The following MBD5 variants were observed in gnomAD, a reference collection of about 807,000 sequenced individuals.
MBD5 encodes methyl-CpG-binding domain protein 5.
MBD5 carries 13 observed loss-of-function variants against 117.3 expected under a neutral mutation model. The ratio of observed to expected loss-of-function variants is 0.11; its 90% CI spans 0.07 to 0.18. The LOEUF is 0.18. Ranked by LOEUF, MBD5 falls within the 10% of genes least tolerant of loss-of-function variation. The pLI is 1.00. For missense variants in MBD5, 1,879 were observed against 2,093.8 expected (o/e 0.90, Z 2.00); for synonymous variants, 727 against 766.4 (o/e 0.95, Z 0.85).
intron 3 of MBD5, among the ~76,000 whole-genome samples, chr2:148,239,536 G>A (rs1700164995): frequency 6.6e-6 from 1 of 151,808 alleles, no homozygotes; most frequent in Non-Finnish European, 1.5e-5. Context: ...TTAAACCAGG[G>A]CCACCTTTTA....
At chr2:148,032,254 C>T (rs1028186136) in intron 1 of MBD5, among the ~76,000 whole-genome samples, 4 of 151,914 alleles carry the variant, frequency 2.6e-5, no homozygotes, top group Admixed American at 6.6e-5. Context: ...CTTGATCTCC[C>T]GGAACTTATA....
intron 4 of MBD5, among the ~76,000 whole-genome samples, chr2:148,386,515 G>A (rs890604707): frequency 3.3e-5 from 5 of 151,544 alleles, no homozygotes; most frequent in South Asian, 2.1e-4. Context: ...TCAGGAGATC[G>A]AGACCATCCC....
At chr2:148,079,540 T>C (rs1396975997) in intron 1 of MBD5, among the ~76,000 whole-genome samples, 2 of 151,856 alleles carry the variant, frequency 1.3e-5, no homozygotes, top group African/African-American at 4.8e-5. Flanking sequence ...ATCCCACTTC[T>C]ACTTGTGTCT....
At chr2:148,281,577 T>A (rs972920722) in intron 3 of MBD5, among the ~76,000 whole-genome samples, 58 of 152,184 alleles carry the variant, frequency 3.8e-4, no homozygotes, top group Non-Finnish European at 4.4e-4. Flanking sequence ...TGCATTTTTT[T>A]AAAAATTCAT....
chr2:148,280,131 C>CAAAAAAAAAAAAAAAAAAAAAAAAAG (rs3076398), intron 3 of MBD5, among the ~76,000 whole-genome samples: 1 of 91,886 alleles, frequency 1.1e-5, no homozygotes, highest in African/African-American at 4.0e-5. Context: ...AAACTAACTG[C>CAAAAAAAAAAAAAAAAAAAAAAAAAG]AAAAAAAAAA....
chr2:148,249,782 A>G (rs1386827532), intron 3 of MBD5, among the ~76,000 whole-genome samples: 3 of 152,096 alleles, frequency 2.0e-5, no homozygotes, highest in Non-Finnish European at 2.9e-5. Context: ...TATCTAAATC[A>G]GTGGTTCTCA....
At chr2:148,298,932 A>G (rs190463409) in intron 3 of MBD5, among the ~76,000 whole-genome samples, 166 of 152,212 alleles carry the variant, frequency 1.1e-3, no homozygotes, top group African/African-American at 3.8e-3. Flanking sequence ...AGCCAATCTC[A>G]GTTGTAGTCA....
chr2:148,461,284 C>G (rs903191439), intron 5 of MBD5, among the ~76,000 whole-genome samples: 2 of 152,050 alleles, frequency 1.3e-5, no homozygotes, highest in African/African-American at 4.8e-5. Context: ...TGTTGCCCTT[C>G]CCTGCAGTGG....
At chr2:148,062,230 T>G (rs1695056668) in intron 1 of MBD5, 1 of 150,710 alleles carries the variant, frequency 6.6e-6, no homozygotes, top group African/African-American at 2.4e-5. Context: ...TCATTTTAGC[T>G]TTTTTTTTCT....
intron 3 of MBD5, among the ~76,000 whole-genome samples, chr2:148,324,526 G>A (rs1020230765): frequency 3.9e-5 from 6 of 152,110 alleles, no homozygotes; most frequent in African/African-American, 1.4e-4. Context: ...GCAGTGCTTT[G>A]TAGTTCTTGA....
intron 5 of MBD5, among the ~76,000 whole-genome samples, chr2:148,460,970 G>A (rs1242953335): frequency 1.3e-5 from 2 of 152,088 alleles, no homozygotes; most frequent in South Asian, 2.1e-4. Flanking sequence ...GTCTCACTCC[G>A]TCGCCCAGGC....
chr2:148,159,553 T>C (rs1697956555), intron 1 of MBD5, among the ~76,000 whole-genome samples: 1 of 152,194 alleles, frequency 6.6e-6, no homozygotes, highest in African/African-American at 2.4e-5. Context: ...CCCAAAGTGC[T>C]GGGTTTACAG....
chr2:148,153,794 C>T (rs1264244955), intron 1 of MBD5, among the ~76,000 whole-genome samples: 1 of 135,624 alleles, frequency 7.4e-6, no homozygotes, highest in Non-Finnish European at 1.6e-5. Flanking sequence ...GCTCCATCAG[C>T]TCCTTTAAGC....
chr2:148,416,511 G>T (rs867328579), intron 4 of MBD5, among the ~76,000 whole-genome samples: 6 of 152,262 alleles, frequency 3.9e-5, no homozygotes, highest in Middle Eastern at 3.4e-3. Context: ...TGGGGGTGGG[G>T]TTGCCAGTAT....
At position 148,362,828 on chromosome 2, in the gene MBD5, G is replaced by A. The variant is rs142590940; in HGVS notation, c.-557+20492G>A. On this transcript the variant is annotated intron_variant, in intron 4 of 13. Transcript: ENST00000642680. ...CTTTGCTGTTCTTCAGCCTTTGCTGGTGATACCCAGGCAAACAGGGTCTGG... is the reference window on the plus strand; with the variant it reads ...CTTTGCTGTTCTTCAGCCTTTGCTGATGATACCCAGGCAAACAGGGTCTGG... Among the ~76,000 whole-genome samples, 230 of 152,274 alleles carry A rather than the reference G, an allele frequency of 1.5e-3. 1 individual carries two copies. The highest frequency in any genetic ancestry group is 5.2e-3 in the African/African-American group (215 of 41,566).
At chr2:148,321,777 G>A (rs4563168) in intron 3 of MBD5, among the ~76,000 whole-genome samples, 26,520 of 151,762 alleles carry the variant, frequency 0.17, 2,471 homozygotes, top group Non-Finnish European at 0.18. Flanking sequence ...TTTAAGAGAT[G>A]AAGTCTCACT....
chr2:148,069,727 A>T (rs1265703597), intron 1 of MBD5, among the ~76,000 whole-genome samples: 1 of 152,162 alleles, frequency 6.6e-6, no homozygotes, highest in Non-Finnish European at 1.5e-5. Context: ...ACTCTCCCTG[A>T]ACACCTCTCT....
intron 1 of MBD5, among the ~76,000 whole-genome samples, chr2:148,074,506 T>TGTTTTTTTTTTTTG (rs1695447279): frequency 1.1e-5 from 1 of 88,624 alleles, no homozygotes; most frequent in African/African-American, 4.3e-5. Context: ...TTTTTTTTTT[T>TGTTTTTTTTTTTTG]GTTTTTTTTT....
intron 1 of MBD5, among the ~76,000 whole-genome samples, chr2:148,088,629 G>T (rs1695858352): frequency 1.3e-5 from 2 of 152,050 alleles, no homozygotes; most frequent in East Asian, 3.9e-4. Flanking sequence ...AAATGAAAAA[G>T]AAATAAAGTT....
Sources: gnomAD v4.1 joint callset for allele counts (sites outside exome capture counted in the v4.1 genomes callset) on GRCh38, gnomAD v4.1.1 for gene constraint, MANE v1.5 for transcripts, NCBI Gene and HGNC (gene_info 2026-07-23, HGNC 2026-07-21) for gene names.